The following SNRPN variants were observed in gnomAD, a reference collection of about 807,000 sequenced individuals.
SNRPN encodes small nuclear ribonucleoprotein polypeptide N.
Under a neutral mutation model 25.2 loss-of-function variants are expected in SNRPN, and 7 were observed. The observed-to-expected ratio is 0.28, with a 90% CI of 0.16 to 0.52. SNRPN has a LOEUF of 0.52. SNRPN is among the 20% of genes least tolerant of loss of function. SNRPN has a pLI of 0.96. For missense variants in SNRPN, 196 were observed against 322.5 expected (o/e 0.61, Z 3.00); for synonymous variants, 124 against 110.6 (o/e 1.12, Z -0.76).
chr15:24,907,308 C>T (rs72693691), intron 2 of SNRPN, among the ~76,000 whole-genome samples: 10,177 of 152,122 alleles, frequency 0.067, 439 homozygotes, highest in Middle Eastern at 0.14. Context: ...CTCAAAAATT[C>T]GTGTTGAGGC....
intron 1 of SNRPN, among the ~76,000 whole-genome samples, chr15:24,872,765 A>C (rs1040822776): frequency 5.1e-5 from 5 of 98,426 alleles, no homozygotes; most frequent in African/African-American, 1.8e-4. Context: ...AAAAAAAAAA[A>C]AAAGCTGGGT....
chr15:24,885,639 C>T (rs2057120486), intron 1 of SNRPN, among the ~76,000 whole-genome samples: 1 of 151,578 alleles, frequency 6.6e-6, no homozygotes, highest in African/African-American at 2.4e-5. Flanking sequence ...ACACCTAAAA[C>T]CAAAGAGGGA....
intron 2 of SNRPN, among the ~76,000 whole-genome samples, chr15:24,835,089 AATAT>A (rs1250387228): frequency 0.03 from 725 of 24,486 alleles, 19 homozygotes; most frequent in Non-Finnish European, 0.051. Context: ...CTATATATAA[AATAT>A]ATAGATATAT....
At position 24,929,011 on chromosome 15, in the gene SNRPN, T is replaced by G. The variant is rs995308407; in HGVS notation, c.-391+8887T>G. Among the ~76,000 whole-genome samples the G allele has an allele frequency of 5.3e-5, 8 of 152,150 alleles. No homozygotes were observed. The highest frequency in any genetic ancestry group is 1.7e-4 in the African/African-American group (7 of 41,432). Reference sequence around the variant, plus strand: ...CCACTATTAAATCAGCTGTGTTTTTTCCAAGGAATCCTGATTTCTATTGTG... The same window carrying G: ...CCACTATTAAATCAGCTGTGTTTTTGCCAAGGAATCCTGATTTCTATTGTG... On this transcript the variant is annotated intron_variant, in intron 3 of 11. Coordinates refer to the SNRPN transcript ENST00000400097. The surrounding 1 kb of genome is among the most constrained non-coding windows in gnomAD (Gnocchi z 5.3).
At chr15:24,934,164 G>A (rs1442890570) in intron 3 of SNRPN, among the ~76,000 whole-genome samples, 1 of 151,970 alleles carries the variant, frequency 6.6e-6, no homozygotes. Flanking sequence ...TGGGTGTGGT[G>A]GTGCATGCCT....
chr15:24,854,349 A>C (rs1426699928), upstream of SNRPN, among the ~76,000 whole-genome samples: 1 of 152,222 alleles, frequency 6.6e-6, no homozygotes, highest in Non-Finnish European at 1.5e-5. Context: ...ATTTCTGCAA[A>C]AAATGGCCAT....
intron 2 of SNRPN, among the ~76,000 whole-genome samples, chr15:24,840,307 G>A (rs571238731): frequency 2.8e-4 from 43 of 152,242 alleles, no homozygotes; most frequent in South Asian, 2.1e-4. Flanking sequence ...TCAATGAGCC[G>A]AGATTGCACC....
Position 24,956,837 on chromosome 15 carries a change from G to A in SNRPN, c.-391+1775G>A, listed in dbSNP as rs145330599. 2.1e-3 allele frequency among the ~76,000 whole-genome samples: 326 copies of A among 152,278 alleles called. 8 individuals carry two copies. The East Asian group carries it at 0.045, about 21-fold the overall frequency. On this transcript the variant is annotated intron_variant, in intron 1 of 9. Transcript: ENST00000390687. ...GCATTTGTACCACCTCCGCCTGTGT[G>A]GGATGGCAGCTGCACTGGGCTACTG...
Position 24,918,513 on chromosome 15 carries a change from T to TATATATGTGTGTATATATAACATA in SNRPN, c.-504-1492_-504-1491insGTGTGTATATATAACATAATATAT, listed in dbSNP as rs1566909092. ...ATATATGTGTGTATATATAACATAA[T>TATATATGTGTGTATATATAACATA]ATATATATGTGTATATATAACATAA... On this transcript the variant is annotated intron_variant, in intron 2 of 11. Coordinates refer to the SNRPN transcript ENST00000400097. Among the ~76,000 whole-genome samples, 159 of 102,734 alleles carry TATATATGTGTGTATATATAACATA rather than the reference T, an allele frequency of 1.5e-3. 3 individuals carry two copies. Among genetic ancestry groups the TATATATGTGTGTATATATAACATA allele is most frequent in the African/African-American group, 5.3e-3 (152 of 28,914 alleles). The allele number at this position is 102,734 out of a possible 152,430, so 67.4% of individuals were successfully genotyped here.
At chr15:24,894,680 G>A (rs963456730) in intron 2 of SNRPN, among the ~76,000 whole-genome samples, 3 of 152,294 alleles carry the variant, frequency 2.0e-5, no homozygotes, top group African/African-American at 4.8e-5. Context: ...TCTGCATTGG[G>A]AAAATAAGGG....
intron 1 of SNRPN, among the ~76,000 whole-genome samples, chr15:24,957,267 T>C (rs1236487210): frequency 6.6e-6 from 1 of 152,202 alleles, no homozygotes; most frequent in Non-Finnish European, 1.5e-5. Flanking sequence ...TTGAAAGGTG[T>C]TTCAAACACT....
At chr15:24,911,273 CA>C (rs1449513015) in intron 2 of SNRPN, 43 of 422,478 alleles carry the variant, frequency 1.0e-4, no homozygotes, top group African/African-American at 8.8e-4. Context: ...ACTGTGTGGC[CA>C]ACTGACCGTT....
intron 3 of SNRPN, among the ~76,000 whole-genome samples, chr15:24,944,281 A>C (rs10162787): frequency 0.9 from 137,663 of 152,280 alleles, 62,349 homozygotes; most frequent in East Asian, 0.99. Flanking sequence ...TGAATCCCTG[A>C]GCTAATTTTC....
At chr15:24,955,163 C>T (rs528860907) in intron 1 of SNRPN, 101 bp downstream of exon 1, 7 of 1,504,640 alleles carry the variant, frequency 4.7e-6, no homozygotes, top group South Asian at 2.4e-5. Flanking sequence ...ACTGAATAAA[C>T]GGAATTTGGG....
At chr15:24,859,440 A>T (rs899517326) in intron 1 of SNRPN, among the ~76,000 whole-genome samples, 1 of 152,150 alleles carries the variant, frequency 6.6e-6, no homozygotes, top group Non-Finnish European at 1.5e-5. Flanking sequence ...AGTCCCTGAG[A>T]CTCACTAGCA....
intron 2 of SNRPN, among the ~76,000 whole-genome samples, chr15:24,898,023 A>C (rs1012074006): frequency 6.6e-6 from 1 of 152,200 alleles, no homozygotes; most frequent in African/African-American, 2.4e-5. Context: ...TAGGAAGATC[A>C]AATAGGCACT....
intron 3 of SNRPN, among the ~76,000 whole-genome samples, chr15:24,935,916 C>T (rs1011948345): frequency 1.3e-5 from 2 of 152,012 alleles, no homozygotes; most frequent in Admixed American, 1.3e-4. Context: ...CAGTTCAAGA[C>T]CAGCCTGGCC....
intron 2 of SNRPN, chr15:24,912,647 G>A (rs1046648931): frequency 3.9e-5 from 6 of 152,138 alleles, no homozygotes; most frequent in African/African-American, 2.4e-5. Context: ...GTATTAAGAG[G>A]TTTGGCAATT....
chr15:24,861,958 A>G (rs1450281527), intron 1 of SNRPN, among the ~76,000 whole-genome samples: 1 of 143,828 alleles, frequency 7.0e-6, no homozygotes, highest in African/African-American at 2.9e-5. Flanking sequence ...AGGAAGACTG[A>G]TGGCAATAAA....
Sources: gnomAD v4.1 joint callset for allele counts (sites outside exome capture counted in the v4.1 genomes callset) on GRCh38, gnomAD v4.1.1 for gene constraint, Gnocchi (gnomAD v3.1) non-coding constraint, MANE v1.5 for transcripts, NCBI Gene and HGNC (gene_info 2026-07-23, HGNC 2026-07-21) for gene names.